The following DPYD variants were observed in gnomAD, a reference collection of about 807,000 sequenced individuals.
The protein encoded by DPYD is dihydropyrimidine dehydrogenase [NADP(+)].
Under a neutral mutation model 116.2 loss-of-function variants are expected in DPYD, and 109 were observed. The observed-to-expected ratio is 0.94, with a 90% CI of 0.80 to 1.10. The LOEUF is 1.10. DPYD is among the 50% of genes least tolerant of loss of function. DPYD has a pLI of 0.00. For missense variants in DPYD, 1,302 were observed against 1,254.5 expected (o/e 1.04, Z -0.57); for synonymous variants, 440 against 432.0 (o/e 1.02, Z -0.23).
intron 8 of DPYD, among the ~76,000 whole-genome samples, chr1:97,609,824 G>GA (rs1343088391): frequency 6.6e-6 from 1 of 151,822 alleles, no homozygotes; most frequent in African/African-American, 2.4e-5. Flanking sequence ...TCATAAGAAA[G>GA]AAAAAAATAT....
At chr1:97,565,266 A>G (rs1652436897) in intron 11 of DPYD, among the ~76,000 whole-genome samples, 1 of 152,048 alleles carries the variant, frequency 6.6e-6, no homozygotes, top group Non-Finnish European at 1.5e-5. Context: ...CTAACCCCCA[A>G]CTATTTGAAG....
intron 13 of DPYD, among the ~76,000 whole-genome samples, chr1:97,484,697 GTTC>G (rs1369151725): frequency 6.6e-6 from 1 of 151,946 alleles, no homozygotes; most frequent in Non-Finnish European, 1.5e-5. Context: ...CTGTCATTTT[GTTC>G]TTCTTTCTGA....
Position 97,546,830 on chromosome 1 carries a change from A to C in DPYD, c.1524+2730T>G, listed in dbSNP as rs557110991. The C allele has an allele frequency of 4.0e-5, 64 of 1,612,510 alleles. No homozygotes were observed. The East Asian group carries it at 1.4e-3, about 36-fold the overall frequency. On this transcript the variant is annotated intron_variant, in intron 12 of 22. Coordinates refer to ENST00000370192, the MANE Select transcript of DPYD (RefSeq NM_000110.4). The stretch of plus-strand genomic sequence containing the variant: ...ATTAAACCATTGAAGTTGGAAGTTC[A>C]TGAGGCCAAGCCTGTGCCAGAAAAT...
chr1:97,608,805 C>A (rs771522136), intron 8 of DPYD, among the ~76,000 whole-genome samples: 3 of 151,670 alleles, frequency 2.0e-5, no homozygotes, highest in Non-Finnish European at 4.4e-5. Context: ...AATTGGCAAA[C>A]AGTCATGTTT....
rs150385342 is a variant in DPYD at position 97,740,400 on chromosome 1, C to T, written c.313G>A (p.Ala105Thr). ...LDIKSFITSIANKNYYGAAKM... is the reference protein window; with the variant it reads ...LDIKSFITSITNKNYYGAAKM... ...GTTAAATCTGAATTTACCTTGTTTG[C>T]AATACTTGTGATGAATGATTTAATA... is the stretch of plus-strand genomic sequence containing the variant. Residue 105 changes from alanine to threonine, a missense_variant, in exon 4 of 23, where the codon GCA (alanine) becomes ACA (threonine). Transcript: ENST00000370192. 13 of 1,611,638 alleles carry T rather than the reference C, an allele frequency of 8.1e-6. No individual in the cohort carries two copies. Among genetic ancestry groups the T allele is most frequent in the South Asian group, 2.2e-5 (2 of 91,046 alleles).
At chr1:97,677,946 T>C (rs1241589027) in intron 8 of DPYD, among the ~76,000 whole-genome samples, 1 of 152,180 alleles carries the variant, frequency 6.6e-6, no homozygotes, top group Non-Finnish European at 1.5e-5. Flanking sequence ...AACTTCATAT[T>C]CTGAGTGTGA....
intron 4 of DPYD, among the ~76,000 whole-genome samples, chr1:97,725,661 T>C (rs1208909961): frequency 1.3e-5 from 2 of 151,522 alleles, no homozygotes; most frequent in East Asian, 3.9e-4. Context: ...GTTCAATTAA[T>C]TTTTGAAAAA....
chr1:97,809,798 C>T (rs974899849), intron 3 of DPYD, among the ~76,000 whole-genome samples: 9 of 152,024 alleles, frequency 5.9e-5, no homozygotes, highest in East Asian at 5.8e-4. Flanking sequence ...AGCTACTGAA[C>T]GCCTCATCTA....
At chr1:97,344,665 T>C (rs1669754915) in intron 16 of DPYD, among the ~76,000 whole-genome samples, 1 of 151,746 alleles carries the variant, frequency 6.6e-6, no homozygotes, top group Non-Finnish European at 1.5e-5. Flanking sequence ...CATTAAGACA[T>C]AGAGATCTAT....
At chr1:97,292,635 G>T (rs991057292) in intron 18 of DPYD, among the ~76,000 whole-genome samples, 1 of 151,988 alleles carries the variant, frequency 6.6e-6, no homozygotes, top group Admixed American at 6.6e-5. Flanking sequence ...ACTAAAGAAA[G>T]GTCTTTGAGA....
At chr1:97,332,326 T>C (rs552322914) in intron 16 of DPYD, among the ~76,000 whole-genome samples, 1 of 152,342 alleles carries the variant, frequency 6.6e-6, no homozygotes, top group African/African-American at 2.4e-5. Context: ...AATGTACATG[T>C]ATAAAACAGA....
intron 16 of DPYD, among the ~76,000 whole-genome samples, chr1:97,312,299 T>C (rs1667568669): frequency 6.6e-6 from 1 of 151,802 alleles, no homozygotes; most frequent in African/African-American, 2.4e-5. Context: ...GAAACAGGCA[T>C]TCTCATAGGC....
chr1:97,464,874 G>A (rs181482030), intron 13 of DPYD, among the ~76,000 whole-genome samples: 1 of 152,252 alleles, frequency 6.6e-6, no homozygotes, highest in East Asian at 1.9e-4. Context: ...GTGGAGCTGT[G>A]AGAAGAGGGC....
intron 20 of DPYD, among the ~76,000 whole-genome samples, chr1:97,112,670 G>T (rs148770041): frequency 6.6e-6 from 1 of 152,066 alleles, no homozygotes; most frequent in Non-Finnish European, 1.5e-5. Context: ...CTGCTTTCCC[G>T]TGATTTCCAT....
chr1:97,273,704 T>C (rs1449177213), intron 18 of DPYD, among the ~76,000 whole-genome samples: 1 of 152,176 alleles, frequency 6.6e-6, no homozygotes, highest in Admixed American at 6.6e-5. Context: ...TGTAAGACAT[T>C]TATCCAGCTC....
At chr1:97,132,380 A>G (rs774855927) in intron 20 of DPYD, among the ~76,000 whole-genome samples, 26 of 152,150 alleles carry the variant, frequency 1.7e-4, no homozygotes, top group Admixed American at 1.4e-3. Context: ...TCTACCCCAC[A>G]TTCATTAACA....
chr1:97,620,736 A>G (rs1656584244), intron 8 of DPYD, among the ~76,000 whole-genome samples: 1 of 152,084 alleles, frequency 6.6e-6, no homozygotes, highest in Non-Finnish European at 1.5e-5. Context: ...ACTGTCCCAA[A>G]ATGTAAAAGT....
At chr1:97,361,225 A>T (rs903777081) in intron 16 of DPYD, among the ~76,000 whole-genome samples, 26 of 152,222 alleles carry the variant, frequency 1.7e-4, no homozygotes, top group Admixed American at 3.9e-4. Context: ...AAATTCCTGG[A>T]CACATACACC....
In DPYD at chr1:97,257,082, T is replaced by C. The variant is rs368787218; in HGVS notation, c.2300-22088A>G. 8.5e-5 allele frequency among the ~76,000 whole-genome samples: 13 copies of C among 152,060 alleles called. 2 individuals carry two copies. Among genetic ancestry groups the C allele is most frequent in the Admixed American group, 3.3e-4 (5 of 15,226 alleles). The stretch of plus-strand genomic sequence containing the variant: ...TACAAAAAACAATGTGCTTTTAACA[T>C]ACCACAATGGAAAGAAAAATTCTGA... On this transcript the variant is annotated intron_variant, in intron 18 of 22. Coordinates refer to ENST00000370192, the MANE Select transcript of DPYD (RefSeq NM_000110.4).
Sources: allele counts gnomAD v4.1 joint callset (sites outside exome capture counted in the v4.1 genomes callset), GRCh38; gene constraint gnomAD v4.1.1; transcripts MANE v1.5; gene names NCBI Gene and HGNC (gene_info 2026-07-23, HGNC 2026-07-21).